Variants in RFTN1 observed in about 807,000 individuals in gnomAD.
RFTN1 encodes the protein raftlin, lipid raft linker 1.
Under a neutral mutation model 46.5 loss-of-function variants are expected in RFTN1, and 26 were observed. That is an observed-to-expected ratio of 0.56 (90% CI 0.41 to 0.78). RFTN1 has a LOEUF of 0.78. Among genes scored for constraint, RFTN1 ranks in the 30% least tolerant of loss-of-function variants. The pLI is 0.00. For synonymous variants in RFTN1, 261 were observed against 284.2 expected (o/e 0.92, Z 0.82); for missense variants, 693 against 718.7 (o/e 0.96, Z 0.41).
In RFTN1 at chr3:16,483,223, C is replaced by T. The variant is rs1171575197; in HGVS notation, c.145+10502G>A. Among the ~76,000 whole-genome samples, 2 of 152,216 alleles carry T rather than the reference C, an allele frequency of 1.3e-5. No individual in the cohort carries two copies. The highest frequency in any genetic ancestry group is 2.4e-5 in the African/African-American group (1 of 41,444). On this transcript the variant is annotated intron_variant, in intron 2 of 9. Coordinates refer to ENST00000334133, the MANE Select transcript of RFTN1 (RefSeq NM_015150.2). This position sits in a 1 kb window ranked among gnomAD's most constrained non-coding sequence, Gnocchi z 4.8. ...CACTTCAGAGTACTTGAGGCTCTATCTAAAGGAACCCCATGGTGAAACCCA... is the reference window on the plus strand; with the variant it reads ...CACTTCAGAGTACTTGAGGCTCTATTTAAAGGAACCCCATGGTGAAACCCA...
At chr3:16,408,601 CA>C (rs776461911) in intron 4 of RFTN1, among the ~76,000 whole-genome samples, 22 of 146,106 alleles carry the variant, frequency 1.5e-4, no homozygotes, top group Admixed American at 4.2e-4. Flanking sequence ...CAGTTAGGCA[CA>C]AAACCTCATA....
At position 16,322,522 on chromosome 3, in the gene RFTN1, G is replaced by C. The variant is rs1421953309; in HGVS notation, c.1332+854C>G. On this transcript the variant is annotated intron_variant, in intron 9 of 9. Coordinates refer to ENST00000334133, the MANE Select transcript of RFTN1 (RefSeq NM_015150.2). The surrounding 1 kb of genome is among the most constrained non-coding windows in gnomAD (Gnocchi z 6.2). ...TGGCCTCAGCCATCAAAGGTGCAGT[G>C]AGCTGAATCCAGGTGATGCCTGACT... is the stretch of plus-strand genomic sequence containing the variant. Among the ~76,000 whole-genome samples, 1 of 152,228 alleles carries C rather than the reference G, an allele frequency of 6.6e-6. No homozygotes were observed. The highest frequency in any genetic ancestry group is 1.9e-4 in the East Asian group (1 of 5,192).
At chr3:16,501,070 G>A (rs934799664) in intron 1 of RFTN1, among the ~76,000 whole-genome samples, 13 of 152,144 alleles carry the variant, frequency 8.5e-5, no homozygotes, top group African/African-American at 2.9e-4. Flanking sequence ...CCAGGATTGC[G>A]AGGCTGCAGT....
rs1017523559 is a variant in RFTN1 at position 16,457,636 on chromosome 3, T to G, written c.146-23599A>C. Among the ~76,000 whole-genome samples the G allele has an allele frequency of 5.4e-4, 82 of 152,332 alleles. No individual in the cohort carries two copies. The highest frequency in any genetic ancestry group is 1.9e-3 in the African/African-American group (81 of 41,568). On this transcript the variant is annotated intron_variant, in intron 2 of 9. Transcript: ENST00000334133. This position sits in a 1 kb window ranked among gnomAD's most constrained non-coding sequence, Gnocchi z 4.2. ...TTTTAGTTTTTTGTTTCGGTGCCTC[T>G]GATTGAAAGTGGCAAGTGCTGCCTG...
intron 2 of RFTN1, among the ~76,000 whole-genome samples, chr3:16,441,428 T>C (rs1033917523): frequency 6.6e-6 from 1 of 152,190 alleles, no homozygotes; most frequent in Non-Finnish European, 1.5e-5. Context: ...CTATGTTTTG[T>C]TTAGCAAAAA....
intron 7 of RFTN1, among the ~76,000 whole-genome samples, chr3:16,330,726 C>T (rs1342636006): frequency 6.6e-6 from 1 of 152,278 alleles, no homozygotes; most frequent in East Asian, 1.9e-4. Context: ...CCTTTGTTCC[C>T]TATAATTTCT....
chr3:16,503,603 C>T (rs543611971), intron 1 of RFTN1, among the ~76,000 whole-genome samples: 1 of 152,156 alleles, frequency 6.6e-6, no homozygotes, highest in African/African-American at 2.4e-5. Flanking sequence ...CTCAGCAGGG[C>T]CCAGGATCTC....
rs2076263108 is a variant in RFTN1, at chr3:16,475,317, T to C, written c.145+18408A>G. ...GGCAATACAAACAGACCAAGACACCTAGTATGTTTAGAGTTTTGCTTACCA... is the reference window on the plus strand; with the variant it reads ...GGCAATACAAACAGACCAAGACACCCAGTATGTTTAGAGTTTTGCTTACCA... On this transcript the variant is annotated intron_variant, in intron 2 of 9. Coordinates refer to ENST00000334133, the MANE Select transcript of RFTN1 (RefSeq NM_015150.2). This position sits in a 1 kb window ranked among gnomAD's most constrained non-coding sequence, Gnocchi z 4.2. 6.6e-6 allele frequency among the ~76,000 whole-genome samples: 1 copy of C among 152,214 alleles called. No individual in the cohort carries two copies. Among genetic ancestry groups the C allele is most frequent in the Admixed American group, 6.5e-5 (1 of 15,288 alleles).
chr3:16,356,343 C>A lies in RFTN1; in HGVS notation c.1146+1589G>T, dbSNP rs1193054901. 6.6e-6 allele frequency among the ~76,000 whole-genome samples: 1 copy of A among 152,206 alleles called. No homozygotes were observed. The highest frequency in any genetic ancestry group is 1.5e-5 in the Non-Finnish European group (1 of 68,024). On this transcript the variant is annotated intron_variant, in intron 7 of 9. Coordinates refer to ENST00000334133, the MANE Select transcript of RFTN1 (RefSeq NM_015150.2). This position sits in a 1 kb window ranked among gnomAD's most constrained non-coding sequence, Gnocchi z 4.9. ...CACCAGGCTGTCACCTGGTTCCTGA[C>A]TTCCCTCAGGACTTCTGGCCCCTAC...
chr3:16,414,217 T>A, intron 3 of RFTN1, among the ~76,000 whole-genome samples: 1 of 147,980 alleles, frequency 6.8e-6, no homozygotes, highest in African/African-American at 2.5e-5. Flanking sequence ...GAGCTAACAA[T>A]CTAATAGGAG....
chr3:16,433,746 A>C lies in RFTN1; in HGVS notation c.332+105T>G. 919 of 994,484 alleles carry C rather than the reference A, an allele frequency of 9.2e-4. No individual in the cohort carries two copies. Among genetic ancestry groups the C allele is most frequent in the Non-Finnish European group, 1.2e-3 (783 of 630,284 alleles). 61.6% of individuals were successfully genotyped at this position (994,484 alleles called of 1,614,324 possible). A position where few individuals can be genotyped will look rare whatever the true frequency, so the allele number is the denominator to read the frequency against. The stretch of plus-strand genomic sequence containing the variant: ...GTCTGAGGGCTGAGGCCCTGAGGAC[A>C]GCATGCAAATTTCAACCCCCAACCC... On this transcript the variant is annotated intron_variant, in intron 3 of 9. Transcript: ENST00000334133. The surrounding 1 kb of genome is among the most constrained non-coding windows in gnomAD (Gnocchi z 4.4).
At chr3:16,445,331 A>G (rs2075705846) in intron 2 of RFTN1, among the ~76,000 whole-genome samples, 1 of 152,190 alleles carries the variant, frequency 6.6e-6, no homozygotes, top group African/African-American at 2.4e-5. Flanking sequence ...AAAAGGAGAT[A>G]TAGGGAGGCT....
rs2076348564 is a variant in RFTN1, at chr3:16,480,514, G to T, written c.145+13211C>A. Among the ~76,000 whole-genome samples the T allele has an allele frequency of 6.6e-6, 1 of 152,200 alleles. No homozygotes were observed. Among genetic ancestry groups the T allele is most frequent in the Admixed American group, 6.5e-5 (1 of 15,286 alleles). On this transcript the variant is annotated intron_variant, in intron 2 of 9. Coordinates refer to ENST00000334133, the MANE Select transcript of RFTN1 (RefSeq NM_015150.2). This position sits in a 1 kb window ranked among gnomAD's most constrained non-coding sequence, Gnocchi z 4.3. ...TCAGGAGCCCTGACCTGTAAACAAA[G>T]AAGAGTATGCCTGAAACACAGAACT...
At chr3:16,461,692 A>G (rs1313895933) in intron 2 of RFTN1, among the ~76,000 whole-genome samples, 4 of 152,194 alleles carry the variant, frequency 2.6e-5, no homozygotes, top group African/African-American at 7.2e-5. Flanking sequence ...ATTTACCTCA[A>G]TTATCTGGCA....
chr3:16,333,994 T>C (rs946737990), intron 7 of RFTN1, among the ~76,000 whole-genome samples: 3 of 151,676 alleles, frequency 2.0e-5, no homozygotes, highest in Non-Finnish European at 4.4e-5. Context: ...TGAAACCCCG[T>C]CTCTACTAAA....
intron 2 of RFTN1, among the ~76,000 whole-genome samples, chr3:16,478,508 G>T (rs749319006): frequency 3.3e-5 from 5 of 152,184 alleles, no homozygotes; most frequent in Non-Finnish European, 7.3e-5. Context: ...AACATAAACT[G>T]CCTGCATTAT....
rs1027569770 is a variant in RFTN1, at chr3:16,440,225, C to T, written c.146-6188G>A. Reference sequence around the variant, plus strand: ...AGTTTTTATCTACAGTGATCACACTCGCCTCATCTGGGAAGGACACCCACG... The same window carrying T: ...AGTTTTTATCTACAGTGATCACACTTGCCTCATCTGGGAAGGACACCCACG... On this transcript the variant is annotated intron_variant, in intron 2 of 9. Coordinates refer to ENST00000334133, the MANE Select transcript of RFTN1 (RefSeq NM_015150.2). The surrounding 1 kb of genome is among the most constrained non-coding windows in gnomAD (Gnocchi z 4.6). Among the ~76,000 whole-genome samples, 7 of 152,144 alleles carry T rather than the reference C, an allele frequency of 4.6e-5. No homozygotes were observed. Among genetic ancestry groups the T allele is most frequent in the Admixed American group, 2.0e-4 (3 of 15,278 alleles).
chr3:16,367,851 A>C (rs796337233), intron 6 of RFTN1, among the ~76,000 whole-genome samples: 1 of 148,020 alleles, frequency 6.8e-6, no homozygotes, highest in African/African-American at 2.5e-5. Flanking sequence ...TCTTTCTTGG[A>C]GGTCTTAGGG....
chr3:16,481,137 G>A lies in RFTN1; in HGVS notation c.145+12588C>T, dbSNP rs1184681746. Among the ~76,000 whole-genome samples the A allele has an allele frequency of 6.6e-6, 1 of 152,082 alleles. No individual in the cohort carries two copies. Among genetic ancestry groups the A allele is most frequent in the Non-Finnish European group, 1.5e-5 (1 of 68,016 alleles). The stretch of plus-strand genomic sequence containing the variant: ...TTTTACATTCAGAAAGGAATGCAAA[G>A]GAATGTAAAGAATGCCTTCCTTCCT... On this transcript the variant is annotated intron_variant, in intron 2 of 9. Coordinates refer to ENST00000334133, the MANE Select transcript of RFTN1 (RefSeq NM_015150.2). This position sits in a 1 kb window ranked among gnomAD's most constrained non-coding sequence, Gnocchi z 5.1.
Sources: allele counts gnomAD v4.1 joint callset (sites outside exome capture counted in the v4.1 genomes callset), GRCh38; gene constraint gnomAD v4.1.1; non-coding constraint Gnocchi (gnomAD v3.1); transcripts MANE v1.5; gene names NCBI Gene and HGNC (gene_info 2026-07-23, HGNC 2026-07-21).